Variants in RBFOX3 observed in about 807,000 individuals in gnomAD.
RBFOX3 encodes RNA binding protein fox-1 homolog 3.
Under a neutral mutation model 48.7 loss-of-function variants are expected in RBFOX3, and 17 were observed. That is an observed-to-expected ratio of 0.35 (90% CI 0.24 to 0.52). The LOEUF (loss-of-function observed/expected upper bound fraction) is 0.52, where lower values mean the gene tolerates loss of function less well. RBFOX3 is among the 20% of genes least tolerant of loss of function. The pLI, the probability that RBFOX3 is intolerant of heterozygous loss-of-function variation, is 0.94. For missense variants in RBFOX3, 382 were observed against 497.5 expected, an observed-to-expected ratio of 0.77 and a Z score of 2.21; for synonymous variants, 212 against 209.5, an observed-to-expected ratio of 1.01 and a Z score of -0.10.
At chr17:79,611,263 C>G (rs1337639636), upstream of RBFOX3, among the ~76,000 whole-genome samples, 5 of 149,222 alleles carry the variant, frequency 3.4e-5, no homozygotes, top group Non-Finnish European at 5.9e-5. Context: ...GAGCACGCGG[C>G]GGCGGCGCGG....
chr17:79,334,443 C>T (rs1049107505), intron 2 of RBFOX3, among the ~76,000 whole-genome samples: 28 of 152,300 alleles, frequency 1.8e-4, no homozygotes, highest in African/African-American at 5.3e-4. Context: ...CTGCTTCTGA[C>T]GCTGGGCCTG....
Position 79,214,058 on chromosome 17 carries a change from C to A in RBFOX3, c.-34+21708G>T, listed in dbSNP as rs974980184. Among the ~76,000 whole-genome samples the A allele has an allele frequency of 6.6e-5, 10 of 152,158 alleles. No individual in the cohort carries two copies. The highest frequency in any genetic ancestry group is 2.4e-4 in the African/African-American group (10 of 41,422). ...TGTTGGGAGGCCCGGTGAACTACAGCCAACCCTCGCATGGCGCCGCCCAGC... is the reference window on the plus strand; with the variant it reads ...TGTTGGGAGGCCCGGTGAACTACAGACAACCCTCGCATGGCGCCGCCCAGC... On this transcript the variant is annotated intron_variant, in intron 4 of 14. Coordinates refer to ENST00000693108, the MANE Select transcript of RBFOX3 (RefSeq NM_001350451.2). This position sits in a 1 kb window ranked among gnomAD's most constrained non-coding sequence, Gnocchi z 4.7.
rs1473836945 is a variant in RBFOX3 at position 79,423,167 on chromosome 17, C to T, written c.-175+59287G>A. On this transcript the variant is annotated intron_variant, in intron 2 of 14. Transcript: ENST00000693108. This position sits in a 1 kb window ranked among gnomAD's most constrained non-coding sequence, Gnocchi z 4.9. ...AGTCACCCCCACCAGAGTTTTCAAA[C>T]GTGTCTTGGCGTCACATGTCCAAAA... 6.6e-6 allele frequency among the ~76,000 whole-genome samples: 1 copy of T among 152,172 alleles called. No individual in the cohort carries two copies.
chr17:79,469,340 T>G (rs976387397), intron 2 of RBFOX3, among the ~76,000 whole-genome samples: 149 of 152,310 alleles, frequency 9.8e-4, no homozygotes, highest in African/African-American at 3.5e-3. Flanking sequence ...GCAGCAGCAC[T>G]GGGGCCCCTT....
intron 4 of RBFOX3, among the ~76,000 whole-genome samples, chr17:79,185,385 C>T (rs8074244): frequency 0.42 from 63,256 of 152,004 alleles, 13,548 homozygotes; most frequent in African/African-American, 0.5. Context: ...GCGCAAGGGC[C>T]GGGCATGCCT....
chr17:79,496,174 G>A (rs1413636062), intron 1 of RBFOX3, among the ~76,000 whole-genome samples: 1 of 152,056 alleles, frequency 6.6e-6, no homozygotes. Context: ...TGACCTGAGG[G>A]CTTCCGGGAG....
chr17:79,410,859 C>T (rs2070916733), intron 2 of RBFOX3, among the ~76,000 whole-genome samples: 1 of 152,166 alleles, frequency 6.6e-6, no homozygotes, highest in Admixed American at 6.5e-5. Context: ...AGGCAAGGCC[C>T]CGCCATACCA....
intron 1 of RBFOX3, among the ~76,000 whole-genome samples, chr17:79,587,330 G>A: frequency 6.6e-6 from 1 of 152,214 alleles, no homozygotes; most frequent in East Asian, 1.9e-4. Flanking sequence ...GCACAGGAGA[G>A]GCTCCATGGA....
rs1555788381 is a variant in RBFOX3, at chr17:79,535,025, G to T, written c.-319-52427C>A. ...AGCTGAATCGGTTAGGATGCTTTCA[G>T]CTGCACCCAACAGAAACCTGACCCA... On this transcript the variant is annotated intron_variant, in intron 1 of 14. Transcript: ENST00000693108. This position sits in a 1 kb window ranked among gnomAD's most constrained non-coding sequence, Gnocchi z 4.5. 6.6e-6 allele frequency among the ~76,000 whole-genome samples: 1 copy of T among 152,198 alleles called. No homozygotes were observed. Among genetic ancestry groups the T allele is most frequent in the Non-Finnish European group, 1.5e-5 (1 of 68,034 alleles).
rs1473906255 is a variant in RBFOX3 at position 79,555,329 on chromosome 17, T to A, written c.-320+55497A>T. 3.0e-3 allele frequency among the ~76,000 whole-genome samples: 180 copies of A among 59,750 alleles called. 21 individuals carry two copies. Among genetic ancestry groups the A allele is most frequent in the Middle Eastern group, 0.016 (2 of 122 alleles). 39.2% of individuals were successfully genotyped at this position (59,750 alleles called of 152,430 possible). On this transcript the variant is annotated intron_variant, in intron 1 of 14. Transcript: ENST00000693108. ...ATGGTAGTTGTGGTGGTGGTGATGG[T>A]GGTGATGATGGTAGTTGTGGTGGTG...
At chr17:79,640,655 T>G in the RBFOX3 span, among the ~76,000 whole-genome samples, 1 of 152,204 alleles carries the variant, frequency 6.6e-6, no homozygotes. Flanking sequence ...TTCATTCATT[T>G]ATAATCAACA....
At chr17:79,097,895 CCGGACAAGTG>C in intron 9 of RBFOX3, 150 bp from the exon 10 acceptor site, 1 of 741,250 alleles carries the variant, frequency 1.3e-6, no homozygotes, top group Admixed American at 2.2e-5. Context: ...CCCACACTGC[CCGGACAAGTG>C]CTGAGTTCAA....
chr17:79,443,629 C>G lies in RBFOX3; in HGVS notation c.-175+38825G>C, dbSNP rs563668681. Among the ~76,000 whole-genome samples, 1 of 152,160 alleles carries G rather than the reference C, an allele frequency of 6.6e-6. No homozygotes were observed. The highest frequency in any genetic ancestry group is 6.5e-5 in the Admixed American group (1 of 15,284). ...AACTCCTGACCTCAGGTGATCCACC[C>G]GCCTCGGCCTCCCAAAGTGCTGGGA... is the stretch of plus-strand genomic sequence containing the variant. On this transcript the variant is annotated intron_variant, in intron 2 of 14. Coordinates refer to ENST00000693108, the MANE Select transcript of RBFOX3 (RefSeq NM_001350451.2). This position sits in a 1 kb window ranked among gnomAD's most constrained non-coding sequence, Gnocchi z 4.4.
At chr17:79,576,746 C>G (rs2092876989) in intron 1 of RBFOX3, among the ~76,000 whole-genome samples, 2 of 149,820 alleles carry the variant, frequency 1.3e-5, no homozygotes, top group South Asian at 4.3e-4. Flanking sequence ...TGATGGAGAT[C>G]ATGGAGATGA....
At chr17:79,446,665 C>T (rs1870185353) in intron 2 of RBFOX3, among the ~76,000 whole-genome samples, 2 of 152,232 alleles carry the variant, frequency 1.3e-5, no homozygotes, top group African/African-American at 4.8e-5. Flanking sequence ...GAAATTTCTG[C>T]ATAACCTGTC....
At chr17:79,336,616 C>T (rs1427066941) in intron 2 of RBFOX3, among the ~76,000 whole-genome samples, 1 of 152,110 alleles carries the variant, frequency 6.6e-6, no homozygotes, top group Non-Finnish European at 1.5e-5. Flanking sequence ...CTCTCTCCTC[C>T]ACACTGGACC....
chr17:79,140,180 T>C (rs532988451), intron 4 of RBFOX3, among the ~76,000 whole-genome samples: 56 of 152,342 alleles, frequency 3.7e-4, no homozygotes, highest in Middle Eastern at 3.4e-3. Context: ...TCACCATACC[T>C]GAGGGGAATG....
At chr17:79,398,894 C>T (rs780237292) in intron 2 of RBFOX3, among the ~76,000 whole-genome samples, 6 of 152,170 alleles carry the variant, frequency 3.9e-5, no homozygotes, top group Non-Finnish European at 8.8e-5. Flanking sequence ...TACCTGTGAA[C>T]GAGATCTTCT....
intron 4 of RBFOX3, among the ~76,000 whole-genome samples, chr17:79,118,398 G>A (rs1023349009): frequency 2.0e-5 from 3 of 152,178 alleles, no homozygotes; most frequent in Non-Finnish European, 2.9e-5. Context: ...GTTAGCAAAC[G>A]TGTTGGTGAC....
Sources: gnomAD v4.1 joint callset for allele counts (sites outside exome capture counted in the v4.1 genomes callset) on GRCh38, gnomAD v4.1.1 for gene constraint, Gnocchi (gnomAD v3.1) non-coding constraint, MANE v1.5 for transcripts, NCBI Gene and HGNC (gene_info 2026-07-23, HGNC 2026-07-21) for gene names.